Variants in PES1 observed in about 807,000 individuals in gnomAD.
The protein encoded by PES1 is pescadillo homolog.
PES1 carries 31 observed loss-of-function variants against 77.1 expected under a neutral mutation model. The ratio of observed to expected loss-of-function variants is 0.40; its 90% CI spans 0.30 to 0.54. PES1 has a LOEUF of 0.54. PES1 is among the 20% of genes least tolerant of loss of function. PES1 has a pLI of 0.45. For synonymous variants in PES1, 282 were observed against 303.0 expected, an observed-to-expected ratio of 0.93 and a Z score of 0.72; for missense variants, 658 against 771.7, an observed-to-expected ratio of 0.85 and a Z score of 1.75.
chr22:30,606,809 G>A (rs547864247), exon 1 of PES1: 18 of 993,446 alleles, frequency 1.8e-5, no homozygotes, highest in East Asian at 2.2e-4. Flanking sequence ...TGCTGCTCAC[G>A]TGACCACTGC....
chr22:30,606,877 C>T (rs1241851917), exon 1 of PES1: 1 of 1,038,048 alleles, frequency 9.6e-7, no homozygotes, highest in South Asian at 3.4e-5. Flanking sequence ...CCAGGGGCTC[C>T]TTTGGTAAGG....
Position 30,584,599 on chromosome 22 carries a change from G to C in PES1, c.487C>G (p.Arg163Gly). 6.2e-7 allele frequency: 1 copy of C among 1,613,376 alleles called. No homozygotes were observed. The highest frequency in any genetic ancestry group is 8.5e-7 in the Non-Finnish European group (1 of 1,179,716). Residue 163 changes from arginine (R) to glycine (G), a missense_variant, in exon 5 of 15, where the codon CGG becomes GGG. Transcript: ENST00000354694. ...CHVQTIQLCR[R>G]LTVEFMHYII... ...TAGTGCATGAACTCCACAGTGAGCC[G>C]GCGGCACAGCTGAATGGTCTGCACG... is the stretch of plus-strand genomic sequence containing the variant.
At chr22:30,595,604 T>G (rs2087242612), upstream of PES1, among the ~76,000 whole-genome samples, 1 of 151,134 alleles carries the variant, frequency 6.6e-6, no homozygotes, top group South Asian at 2.1e-4. Flanking sequence ...TTCCCATCAT[T>G]GGTGGACCCT....
At chr22:30,605,525 T>C (rs1486896026) in intron 1 of PES1, 3 of 978,140 alleles carry the variant, frequency 3.1e-6, no homozygotes, top group African/African-American at 3.5e-5. Context: ...TTCCTGGAAA[T>C]AGGAATCATA....
chr22:30,606,325 G>A (rs2087441478), intron 1 of PES1, among the ~76,000 whole-genome samples: 2 of 152,042 alleles, frequency 1.3e-5, no homozygotes, highest in Admixed American at 1.3e-4. Flanking sequence ...CCACCTCTTG[G>A]GTTCAAGCGA....
chr22:30,597,130 A>G (rs985814369), intron 2 of PES1, among the ~76,000 whole-genome samples: 3 of 152,092 alleles, frequency 2.0e-5, no homozygotes, highest in African/African-American at 4.8e-5. Flanking sequence ...GCAGCCTGCC[A>G]TGCCTGAGTC....
intron 4 of PES1, chr22:30,585,306 G>A (rs1288912546): frequency 1.5e-5 from 7 of 471,392 alleles, no homozygotes; most frequent in African/African-American, 2.0e-5. Context: ...AATGTGTTTC[G>A]GGGAATCCTC....
At chr22:30,592,302 C>G (rs188185433), upstream of PES1, 10 of 992,464 alleles carry the variant, frequency 1.0e-5, no homozygotes, top group East Asian at 1.0e-3. Flanking sequence ...CAGACTTCGG[C>G]TGCCGCTGCT....
intron 2 of PES1, chr22:30,605,431 ACT>A (rs2087424349): frequency 2.0e-6 from 2 of 984,740 alleles, no homozygotes; most frequent in Non-Finnish European, 2.4e-6. Context: ...ATCAGAAGTG[ACT>A]CTCTGGAAGG....
At chr22:30,589,337 T>A in intron 1 of PES1, 67 bp from the exon 2 acceptor site, 1 of 1,304,454 alleles carries the variant, frequency 7.7e-7, no homozygotes, top group African/African-American at 1.5e-5. Flanking sequence ...ACTCTGGGCA[T>A]GCCTAGTTCC....
chr22:30,594,026 G>C (rs1292729682), upstream of PES1, among the ~76,000 whole-genome samples: 1 of 152,170 alleles, frequency 6.6e-6, no homozygotes, highest in East Asian at 1.9e-4. Context: ...CCCACACACA[G>C]AATGCTTTGT....
intron 6 of PES1, among the ~76,000 whole-genome samples, chr22:30,582,132 C>T (rs913517334): frequency 5.9e-5 from 9 of 152,256 alleles, no homozygotes. Context: ...GAGGGTGGTG[C>T]TCCCAGCGCT....
In PES1 at chr22:30,589,265, T is replaced by G; in HGVS notation, c.30A>C (p.Glu10Asp). 1 of 1,613,420 alleles carries G rather than the reference T, an allele frequency of 6.2e-7. No individual in the cohort carries two copies. The highest frequency in any genetic ancestry group is 1.3e-5 in the African/African-American group (1 of 75,046). The change falls in exon 2 of 15, where the codon GAA becomes GAC. Residue 10 changes from glutamate (E) to aspartate (D), a missense_variant. Transcript: ENST00000354694. MGGLEKKKY[E>D]RGSATNYITR... ...TGATGTAGTTGGTGGCCGAGCCTCG[T>G]TCATACTGGGAGAGGAAAAAAACAA...
At chr22:30,606,683 C>A (rs1166226893) in intron 1 of PES1, 1 of 109,254 alleles carries the variant, frequency 9.2e-6, no homozygotes, top group East Asian at 2.3e-4. Context: ...GCCCAACTCC[C>A]CCCCCCCACC....
At chr22:30,584,292 A>C in intron 6 of PES1, 73 bp downstream of exon 6, 1 of 1,225,122 alleles carries the variant, frequency 8.2e-7, no homozygotes, top group Admixed American at 2.0e-5. Flanking sequence ...GGACAGCAAA[A>C]TCCCCCTTCC....
rs376174422 is a variant in PES1, at chr22:30,591,842, G to T, written c.-9C>A. 1.9e-6 allele frequency: 3 copies of T among 1,553,942 alleles called. No homozygotes were observed. The highest frequency in any genetic ancestry group is 2.6e-6 in the Non-Finnish European group (3 of 1,149,682). On this transcript the variant is annotated 5_prime_UTR_variant, in exon 1 of 15. Transcript: ENST00000354694. Reference sequence around the variant, plus strand: ...TTCTCAAGGCCTCCCATCGCTCCACGTTGAGGAGCCGACTAGGGCCGCGCG... The same window carrying T: ...TTCTCAAGGCCTCCCATCGCTCCACTTTGAGGAGCCGACTAGGGCCGCGCG...
At chr22:30,595,042 T>G (rs975139382), upstream of PES1, among the ~76,000 whole-genome samples, 2 of 152,142 alleles carry the variant, frequency 1.3e-5, no homozygotes, top group Non-Finnish European at 2.9e-5. Context: ...TCCAAATTTA[T>G]AGATTCTCAT....
chr22:30,592,726 G>C (rs1054889627), upstream of PES1, among the ~76,000 whole-genome samples: 7 of 152,174 alleles, frequency 4.6e-5, no homozygotes, highest in Non-Finnish European at 8.8e-5. Flanking sequence ...GAACCTGGGA[G>C]GCAGAGGTTG....
intron 2 of PES1, among the ~76,000 whole-genome samples, chr22:30,600,437 C>T (rs954883679): frequency 6.6e-6 from 1 of 152,116 alleles, no homozygotes; most frequent in African/African-American, 2.4e-5. Flanking sequence ...AATCCCAACA[C>T]TTTGGGAAGC....
Sources: allele counts gnomAD v4.1 joint callset (sites outside exome capture counted in the v4.1 genomes callset), GRCh38; gene constraint gnomAD v4.1.1; transcripts MANE v1.5; gene names NCBI Gene and HGNC (gene_info 2026-07-23, HGNC 2026-07-21).